The following PTH2R variants were observed in gnomAD, a reference collection of about 807,000 sequenced individuals.
PTH2R encodes the protein PTH2 receptor.
In PTH2R, 59 loss-of-function variants were observed where a neutral mutation model predicts 60.3. The ratio of observed to expected loss-of-function variants is 0.98; its 90% CI spans 0.79 to 1.22. PTH2R has a LOEUF of 1.22. Ranked by LOEUF, PTH2R falls within the 50% of genes most tolerant of loss-of-function variation. The pLI, the probability that PTH2R is intolerant of heterozygous loss-of-function variation, is 0.00. For synonymous variants in PTH2R, 256 were observed against 243.8 expected (o/e 1.05, Z -0.47); for missense variants, 749 against 682.6 (o/e 1.10, Z -1.08).
At chr2:208,377,089 G>T (rs1200980493) in intron 1 of PTH2R, among the ~76,000 whole-genome samples, 1 of 151,896 alleles carries the variant, frequency 6.6e-6, no homozygotes, top group Non-Finnish European at 1.5e-5. Flanking sequence ...CGAGTCTGCT[G>T]CCTTCAAGCA....
Position 208,493,770 on chromosome 2 carries a change from T to C in PTH2R, c.*111T>C, listed in dbSNP as rs754917780. ...AAAGGCTGAAAATTCAGTTAAGGTG[T>C]TACTTAATAATAGTTTTTAGGCTCC... On this transcript the variant is annotated 3_prime_UTR_variant, in exon 13 of 13. Transcript: ENST00000272847. 5.2e-5 allele frequency: 66 copies of C among 1,264,074 alleles called. No individual in the cohort carries two copies. Among genetic ancestry groups the C allele is most frequent in the Middle Eastern group, 2.7e-4 (1 of 3,672 alleles). 78.3% of individuals were successfully genotyped at this position (1,264,074 alleles called of 1,614,324 possible). A position where few individuals can be genotyped will look rare whatever the true frequency, so the allele number is the denominator to read the frequency against.
chr2:208,438,344 G>C lies in PTH2R; in HGVS notation c.411+463G>C, dbSNP rs552325846. On this transcript the variant is annotated intron_variant, in intron 4 of 12. Transcript: ENST00000272847. Reference sequence around the variant, plus strand: ...GATCTCATTAGCGTATAAAAGATTAGAGTTTTAGGATTAAAGGGGAGCAAG... The same window carrying C: ...GATCTCATTAGCGTATAAAAGATTACAGTTTTAGGATTAAAGGGGAGCAAG... Among the ~76,000 whole-genome samples the C allele has an allele frequency of 5.3e-5, 8 of 152,246 alleles. No homozygotes were observed. The East Asian group carries it at 9.6e-4, about 18-fold the overall frequency.
chr2:208,407,928 T>TA (rs1382009217), intron 1 of PTH2R, among the ~76,000 whole-genome samples: 8 of 152,154 alleles, frequency 5.3e-5, no homozygotes, highest in Non-Finnish European at 1.2e-4. Context: ...GAAGGCCCAA[T>TA]AAAAAATTAT....
chr2:208,369,856 T>TA (rs1700660671), intron 1 of PTH2R, among the ~76,000 whole-genome samples: 1 of 152,060 alleles, frequency 6.6e-6, no homozygotes, highest in Admixed American at 6.6e-5. Context: ...ACAACGCACT[T>TA]ATGTATTGCA....
chr2:208,397,095 A>G (rs1348596278), intron 1 of PTH2R, among the ~76,000 whole-genome samples: 1 of 152,110 alleles, frequency 6.6e-6, no homozygotes. Context: ...CATAGGTGGG[A>G]ATTGAACAAT....
chr2:208,380,777 G>A (rs1700898782), intron 1 of PTH2R, among the ~76,000 whole-genome samples: 1 of 152,110 alleles, frequency 6.6e-6, no homozygotes, highest in Non-Finnish European at 1.5e-5. Context: ...CTGCCTCAAG[G>A]CCTGCATTCA....
intron 9 of PTH2R, chr2:208,469,826 C>A (rs545612826): frequency 2.6e-5 from 4 of 152,236 alleles, no homozygotes; most frequent in Admixed American, 2.6e-4. Flanking sequence ...TCCTAATTAA[C>A]AAAAGAACGT....
At chr2:208,374,683 T>C (rs776857305) in intron 1 of PTH2R, among the ~76,000 whole-genome samples, 3 of 151,996 alleles carry the variant, frequency 2.0e-5, no homozygotes, top group Non-Finnish European at 4.4e-5. Flanking sequence ...TTGTATTTTT[T>C]TTAGTAGAGA....
chr2:208,444,705 A>G (rs922768285), intron 6 of PTH2R, 29 bp from the exon 7 acceptor site: 2 of 1,603,760 alleles, frequency 1.2e-6, no homozygotes, highest in Admixed American at 1.7e-5. Flanking sequence ...GTGTTCTAAT[A>G]TGATGAAATT....
chr2:208,385,212 A>C (rs2125878744), intron 1 of PTH2R, among the ~76,000 whole-genome samples: 1 of 152,308 alleles, frequency 6.6e-6, no homozygotes, highest in South Asian at 2.1e-4. Context: ...TTTTAAATTT[A>C]ATTATAGTGT....
At chr2:208,382,630 C>G (rs1319497606) in intron 1 of PTH2R, among the ~76,000 whole-genome samples, 2 of 152,164 alleles carry the variant, frequency 1.3e-5, no homozygotes, top group Non-Finnish European at 2.9e-5. Context: ...CCTCCCTACT[C>G]CTCACAAATA....
chr2:208,406,949 C>T lies in PTH2R; in HGVS notation c.-95C>T, dbSNP rs1346181583. 7 of 1,111,108 alleles carry T rather than the reference C, an allele frequency of 6.3e-6. No homozygotes were observed. The highest frequency in any genetic ancestry group is 4.8e-5 in the African/African-American group (3 of 62,206). 68.8% of individuals were successfully genotyped at this position (1,111,108 alleles called of 1,614,324 possible). A position where few individuals can be genotyped will look rare whatever the true frequency, so the allele number is the denominator to read the frequency against. The stretch of plus-strand genomic sequence containing the variant: ...ACCCCAGCTGCGCGTCGTTACTGGC[C>T]ACAAGTTTGCTCTGGGCCAGCCAAG... On this transcript the variant is annotated 5_prime_UTR_variant, in exon 1 of 13. Coordinates refer to ENST00000272847, the MANE Select transcript of PTH2R (RefSeq NM_005048.4).
intron 1 of PTH2R, among the ~76,000 whole-genome samples, chr2:208,377,611 C>T (rs975445364): frequency 6.7e-6 from 1 of 150,366 alleles, no homozygotes; most frequent in Non-Finnish European, 1.5e-5. Context: ...CACCTGCCTC[C>T]GGGACAGGGT....
At chr2:208,444,598 A>G (rs1702250912) in intron 6 of PTH2R, 136 bp from the exon 7 acceptor site, 4 of 620,578 alleles carry the variant, frequency 6.4e-6, no homozygotes, top group Non-Finnish European at 1.0e-5. Flanking sequence ...GCCTCTCAAC[A>G]GTTTTGACTT....
intron 7 of PTH2R, 134 bp from the exon 8 acceptor site, chr2:208,450,615 C>T (rs1266128561): frequency 1.3e-5 from 10 of 795,658 alleles, no homozygotes; most frequent in South Asian, 3.5e-5. Context: ...TTTTCTTGTT[C>T]ACATATCAGA....
intron 4 of PTH2R, among the ~76,000 whole-genome samples, chr2:208,440,219 A>T (rs904477328): frequency 6.6e-6 from 1 of 152,142 alleles, no homozygotes; most frequent in Non-Finnish European, 1.5e-5. Context: ...GTGGGAGTTC[A>T]AGATCAGCCT....
intron 2 of PTH2R, among the ~76,000 whole-genome samples, chr2:208,433,413 T>G (rs1702012650): frequency 6.6e-6 from 1 of 152,232 alleles, no homozygotes; most frequent in Non-Finnish European, 1.5e-5. Flanking sequence ...CACTAGCTAA[T>G]TTAAGGAATT....
chr2:208,464,348 G>T (rs535093873), intron 9 of PTH2R, among the ~76,000 whole-genome samples: 1 of 152,102 alleles, frequency 6.6e-6, no homozygotes, highest in African/African-American at 2.4e-5. Flanking sequence ...GATCTTCCCC[G>T]TGACTTGCTG....
At chr2:208,475,053 G>A (rs1702969808) in intron 9 of PTH2R, among the ~76,000 whole-genome samples, 1 of 152,146 alleles carries the variant, frequency 6.6e-6, no homozygotes, top group Admixed American at 6.5e-5. Flanking sequence ...GGCAATCCAT[G>A]GTTTTTGCTA....
Sources: allele counts gnomAD v4.1 joint callset (sites outside exome capture counted in the v4.1 genomes callset), GRCh38; gene constraint gnomAD v4.1.1; transcripts MANE v1.5; gene names NCBI Gene and HGNC (gene_info 2026-07-23, HGNC 2026-07-21).